SCUBE1: variants seen among roughly 807,000 people sequenced by gnomAD.
SCUBE1 encodes the protein signal peptide, CUB and EGF-like domain-containing protein 1.
Under a neutral mutation model 124.4 loss-of-function variants are expected in SCUBE1, and 59 were observed. That is an observed-to-expected ratio of 0.47 (90% CI 0.38 to 0.59). SCUBE1 has a LOEUF of 0.59. Ranked by LOEUF, SCUBE1 falls within the 20% of genes least tolerant of loss-of-function variation. The pLI, the probability that SCUBE1 is intolerant of heterozygous loss-of-function variation, is 0.00. For missense variants in SCUBE1, 1,150 were observed against 1,371.2 expected (o/e 0.84, Z 2.55); for synonymous variants, 545 against 550.9 (o/e 0.99, Z 0.15).
intron 2 of SCUBE1, among the ~76,000 whole-genome samples, chr22:43,335,876 G>A (rs1472541465): frequency 2.0e-5 from 3 of 151,678 alleles, no homozygotes; most frequent in Non-Finnish European, 2.9e-5. Flanking sequence ...TGATGGTGAT[G>A]ATGGTGATGG....
chr22:43,229,271 A>G (rs1601813166), intron 8 of SCUBE1, 83 bp from the exon 9 acceptor site: 1 of 962,216 alleles, frequency 1.0e-6, no homozygotes, highest in East Asian at 2.4e-5. Flanking sequence ...TCAGTCACTC[A>G]AGGCACATCT....
chr22:43,202,041 T>C lies in SCUBE1; in HGVS notation c.*1956A>G, dbSNP rs568662189. On this transcript the variant is annotated 3_prime_UTR_variant, in exon 22 of 22. Transcript: ENST00000360835. ...AGTTGACACTGACCTACTCCCCAAG[T>C]GCAGAGGCTCCACTCTCTCTCCGAC... The C allele has an allele frequency of 1.3e-5, 2 of 152,324 alleles. No homozygotes were observed. The highest frequency in any genetic ancestry group is 3.9e-4 in the East Asian group (2 of 5,182). 9.4% of individuals were successfully genotyped at this position (152,324 alleles called of 1,614,324 possible). A position where few individuals can be genotyped will look rare whatever the true frequency, so the allele number is the denominator to read the frequency against.
At chr22:43,233,895 C>A (rs1922655173) in intron 7 of SCUBE1, among the ~76,000 whole-genome samples, 1 of 151,722 alleles carries the variant, frequency 6.6e-6, no homozygotes, top group Non-Finnish European at 1.5e-5. Context: ...TCTCTGGGAG[C>A]CTCGGGGAGG....
intron 19 of SCUBE1, among the ~76,000 whole-genome samples, chr22:43,208,922 C>A (rs1204802616): frequency 6.6e-6 from 1 of 152,148 alleles, no homozygotes; most frequent in Non-Finnish European, 1.5e-5. Flanking sequence ...TCCCTGGGGG[C>A]CTTCCCGAGG....
chr22:43,261,352 C>G (rs2146710703), intron 5 of SCUBE1, among the ~76,000 whole-genome samples: 1 of 152,330 alleles, frequency 6.6e-6, no homozygotes, highest in East Asian at 1.9e-4. Flanking sequence ...CTTGGCCACC[C>G]CACAGGAAAG....
chr22:43,208,634 G>A (rs1569494949), intron 19 of SCUBE1, among the ~76,000 whole-genome samples: 2 of 152,200 alleles, frequency 1.3e-5, no homozygotes, highest in Admixed American at 6.5e-5. Flanking sequence ...GGGGGAGGAC[G>A]TGGGAGATGA....
rs1601786537 is a variant in SCUBE1, at chr22:43,200,828, A to C, written c.*3169T>G. On this transcript the variant is annotated 3_prime_UTR_variant, in exon 22 of 22. Transcript: ENST00000360835. The stretch of plus-strand genomic sequence containing the variant: ...GGCCTCGTCTGCACCTGCCCATCCA[A>C]CTTTGCCCTGGGCACACTGGGCATG... 6.6e-6 allele frequency: 1 copy of C among 152,442 alleles called. No homozygotes were observed. The highest frequency in any genetic ancestry group is 1.9e-4 in the East Asian group (1 of 5,180). 9.4% of individuals were successfully genotyped at this position (152,442 alleles called of 1,614,324 possible). A position where few individuals can be genotyped will look rare whatever the true frequency, so the allele number is the denominator to read the frequency against.
chr22:43,341,911 G>A (rs921155432), intron 1 of SCUBE1, among the ~76,000 whole-genome samples: 2 of 151,988 alleles, frequency 1.3e-5, no homozygotes, highest in South Asian at 2.1e-4. Flanking sequence ...GGATAGGCAC[G>A]CCCAGGAACA....
intron 6 of SCUBE1, among the ~76,000 whole-genome samples, chr22:43,248,939 G>A (rs957657379): frequency 1.3e-5 from 2 of 152,170 alleles, no homozygotes; most frequent in African/African-American, 2.4e-5. Flanking sequence ...CCATGCTCCC[G>A]CTCTGGGCAA....
chr22:43,226,445 A>G (rs879490867), intron 10 of SCUBE1, among the ~76,000 whole-genome samples: 4 of 152,062 alleles, frequency 2.6e-5, no homozygotes, highest in Non-Finnish European at 5.9e-5. Flanking sequence ...CCTCCAGGCC[A>G]AGAGAAGCGC....
intron 6 of SCUBE1, among the ~76,000 whole-genome samples, chr22:43,256,977 A>G (rs958650151): frequency 6.6e-6 from 1 of 152,252 alleles, no homozygotes; most frequent in African/African-American, 2.4e-5. Context: ...AACATCAGTT[A>G]TCAGACAAGA....
At chr22:43,240,588 C>G (rs1290870018) in intron 6 of SCUBE1, among the ~76,000 whole-genome samples, 2 of 152,202 alleles carry the variant, frequency 1.3e-5, no homozygotes, top group Non-Finnish European at 2.9e-5. Context: ...ACTCACGGAG[C>G]CCCTCAGGCA....
chr22:43,300,349 T>C (rs758316450), intron 3 of SCUBE1, among the ~76,000 whole-genome samples: 1 of 149,608 alleles, frequency 6.7e-6, no homozygotes, highest in African/African-American at 2.4e-5. Context: ...TTTCTCATTA[T>C]GGTTTTGATT....
In SCUBE1 at chr22:43,250,585, C is replaced by T. The variant is rs910455381; in HGVS notation, c.727+7634G>A. Among the ~76,000 whole-genome samples, 3 of 152,204 alleles carry T rather than the reference C, an allele frequency of 2.0e-5. No individual in the cohort carries two copies. In the East Asian group the frequency reaches 5.8e-4, roughly 29 times the overall value. ...AGCAGTTCAGGCAGCCAGGCAGGAG[C>T]AGCCTCAGGGGTGCGGGGAGAGGAG... is the stretch of plus-strand genomic sequence containing the variant. On this transcript the variant is annotated intron_variant, in intron 6 of 21. Coordinates refer to ENST00000360835, the MANE Select transcript of SCUBE1 (RefSeq NM_173050.5).
chr22:43,301,584 C>T (rs1019744889), intron 3 of SCUBE1, among the ~76,000 whole-genome samples: 2 of 152,164 alleles, frequency 1.3e-5, no homozygotes, highest in Admixed American at 6.5e-5. Context: ...CCCAGAGATG[C>T]TCTCTCTGAC....
At chr22:43,220,100 A>G (rs1438284375) in intron 14 of SCUBE1, among the ~76,000 whole-genome samples, 2 of 152,186 alleles carry the variant, frequency 1.3e-5, no homozygotes, top group African/African-American at 4.8e-5. Context: ...AGGAACCAGG[A>G]AAGACAATCC....
Position 43,222,667 on chromosome 22 carries a change from G to A in SCUBE1, c.1403C>T (p.Thr468Ile), listed in dbSNP as rs371664380. ...GCAGCTGGGCCCGAGGCCAGAGCTG[G>A]TGCCGTTGCGTTTCTGCAGCGCCTT... ...QGKALQKRNGTSSGLGPSCSD... is the reference protein window; with the variant it reads ...QGKALQKRNGISSGLGPSCSD... The change falls in exon 12 of 22, where the codon ACC (threonine) becomes ATC (isoleucine). Residue 468 changes from threonine to isoleucine, a missense_variant. This residue lies in a region of SCUBE1 where 757 missense variants were observed against 840.9 expected (regional missense o/e 0.90). Transcript: ENST00000360835. The A allele has an allele frequency of 1.9e-6, 3 of 1,601,366 alleles. No individual in the cohort carries two copies. The highest frequency in any genetic ancestry group is 3.4e-5 in the Admixed American group (2 of 58,904).
chr22:43,210,893 G>A lies in SCUBE1; in HGVS notation c.2383+29C>T, dbSNP rs780834296. 1.2e-6 allele frequency: 2 copies of A among 1,609,290 alleles called. No individual in the cohort carries two copies. The highest frequency in any genetic ancestry group is 1.7e-6 in the Non-Finnish European group (2 of 1,177,534). ...CTGCCCAGCCCCTCCCGTGTTCCCA[G>A]CTTCCCACGGCAGAGCAGCAGCACC... On this transcript the variant is annotated intron_variant, in intron 18 of 21. Coordinates refer to ENST00000360835, the MANE Select transcript of SCUBE1 (RefSeq NM_173050.5). The surrounding 1 kb of genome is among the most constrained non-coding windows in gnomAD (Gnocchi z 4.5).
In SCUBE1 at chr22:43,198,245, C is replaced by A; in HGVS notation, c.*5752G>T. ...CACCTTTCCCTTCTTCCTGTTGGGGCTTGGGGGGTGCAGACAATTCCAGGG... is the reference window on the plus strand; with the variant it reads ...CACCTTTCCCTTCTTCCTGTTGGGGATTGGGGGGTGCAGACAATTCCAGGG... On this transcript the variant is annotated 3_prime_UTR_variant, in exon 22 of 22. Coordinates refer to ENST00000360835, the MANE Select transcript of SCUBE1 (RefSeq NM_173050.5). The A allele has an allele frequency of 3.4e-6, 1 of 293,166 alleles. No homozygotes were observed. The highest frequency in any genetic ancestry group is 6.8e-6 in the Non-Finnish European group (1 of 147,130). 18.2% of individuals were successfully genotyped at this position (293,166 alleles called of 1,614,324 possible). A position where few individuals can be genotyped will look rare whatever the true frequency, so the allele number is the denominator to read the frequency against.
Sources: allele counts gnomAD v4.1 joint callset (sites outside exome capture counted in the v4.1 genomes callset), GRCh38; gene constraint gnomAD v4.1.1; regional missense constraint gnomAD v4.1.1; non-coding constraint Gnocchi (gnomAD v3.1); transcripts MANE v1.5; gene names NCBI Gene and HGNC (gene_info 2026-07-23, HGNC 2026-07-21).